Variants in CHD6 observed in about 807,000 individuals in gnomAD.
The protein encoded by CHD6 is ATP-dependent chromatin remodeler CHD6.
CHD6 carries 50 observed loss-of-function variants against 276.9 expected under a neutral mutation model. That is an observed-to-expected ratio of 0.18 (90% CI 0.14 to 0.23). The LOEUF (loss-of-function observed/expected upper bound fraction) is 0.23, where lower values mean the gene tolerates loss of function less well. Ranked by LOEUF, CHD6 falls within the 10% of genes least tolerant of loss-of-function variation. The probability of loss-of-function intolerance (pLI) is 1.00; values close to 1 mark genes in which losing one functional copy is unlikely to be tolerated. For synonymous variants in CHD6, 1,173 were observed against 1,229.3 expected (o/e 0.95, Z 0.96); for missense variants, 2,564 against 3,365.8 (o/e 0.76, Z 5.89).
At position 41,416,811 on chromosome 20, in the gene CHD6, A is replaced by G. The variant is rs2047014406; in HGVS notation, c.6280-17T>C. On this transcript the variant is annotated splice_polypyrimidine_tract_variant and intron_variant, in intron 32 of 36. Coordinates refer to ENST00000373233, the MANE Select transcript of CHD6 (RefSeq NM_032221.5). ...CACGCGGTCCTAGAAAAAAGGATAAAGCTCTGATGAATAAGGATCGAGTTA... is the reference window on the plus strand; with the variant it reads ...CACGCGGTCCTAGAAAAAAGGATAAGGCTCTGATGAATAAGGATCGAGTTA... The G allele has an allele frequency of 1.3e-6, 2 of 1,506,002 alleles. No homozygotes were observed. Among genetic ancestry groups the G allele is most frequent in the African/African-American group, 1.4e-5 (1 of 71,554 alleles). 93.3% of individuals were successfully genotyped at this position (1,506,002 alleles called of 1,614,324 possible).
At chr20:41,565,889 G>T (rs2045350283) in intron 1 of CHD6, among the ~76,000 whole-genome samples, 1 of 152,174 alleles carries the variant, frequency 6.6e-6, no homozygotes. Context: ...TCATTCTATG[G>T]AAAGTGGGAG....
intron 27 of CHD6, among the ~76,000 whole-genome samples, chr20:41,427,716 C>G (rs1367000922): frequency 2.0e-5 from 3 of 152,200 alleles, no homozygotes; most frequent in Non-Finnish European, 2.9e-5. Flanking sequence ...CTCCTGTTAT[C>G]TAATGTTAAT....
In CHD6 at chr20:41,403,366, A is replaced by G. The variant is rs2046582766; in HGVS notation, c.*1227T>C. 2.8e-6 allele frequency: 3 copies of G among 1,062,242 alleles called. 1 individual carries two copies. The highest frequency in any genetic ancestry group is 1.1e-4 in the Admixed American group (2 of 18,598). The allele number at this position is 1,062,242 out of a possible 1,614,324, so 65.8% of individuals were successfully genotyped here. On this transcript the variant is annotated 3_prime_UTR_variant, in exon 37 of 37. Transcript: ENST00000373233. ...GACGTTAACATGAAGGTGAAAGGAC[A>G]TGGGGAAGTGCTGCTTAGGCAGTTT...
chr20:41,413,600 G>T, intron 34 of CHD6, 85 bp from the exon 35 acceptor site: 1 of 1,155,982 alleles, frequency 8.7e-7, no homozygotes, highest in Non-Finnish European at 1.2e-6. Flanking sequence ...GGTGTTATTT[G>T]AATCACTCCA....
At chr20:41,522,734 A>C (rs534908493) in intron 3 of CHD6, among the ~76,000 whole-genome samples, 1 of 152,238 alleles carries the variant, frequency 6.6e-6, no homozygotes, top group African/African-American at 2.4e-5. Context: ...TACACTTTAA[A>C]AAATAATTTA....
At chr20:41,441,032 G>GTAGC (rs1198114653) in intron 25 of CHD6, among the ~76,000 whole-genome samples, 2 of 152,214 alleles carry the variant, frequency 1.3e-5, no homozygotes, top group African/African-American at 4.8e-5. Context: ...GGAGCTGTGG[G>GTAGC]TAGCTGATCT....
chr20:41,566,887 A>T (rs2045361083), intron 1 of CHD6, among the ~76,000 whole-genome samples: 1 of 152,174 alleles, frequency 6.6e-6, no homozygotes, highest in African/African-American at 2.4e-5. Context: ...GGAATCTCAC[A>T]CAAATGGGGT....
chr20:41,580,645 C>CAAAAAAAA (rs373733112), intron 1 of CHD6, among the ~76,000 whole-genome samples: 51 of 68,998 alleles, frequency 7.4e-4, no homozygotes, highest in African/African-American at 2.0e-3. Flanking sequence ...AACCCAGTCT[C>CAAAAAAAA]AAAAAAAAAA....
rs185712325 is a variant in CHD6 at position 41,454,808 on chromosome 20, C to G, written c.3010-72G>C. 8.6e-4 allele frequency: 841 copies of G among 977,190 alleles called. 1 individual carries two copies. The African/African-American group carries it at 0.012, about 14-fold the overall frequency. The allele number at this position is 977,190 out of a possible 1,614,324, so 60.5% of individuals were successfully genotyped here. Reference sequence around the variant, plus strand: ...AACTAATAAAACACCAGTGTTACTTCAAGAGAAACCTAAGTATATTATCTA... The same window carrying G: ...AACTAATAAAACACCAGTGTTACTTGAAGAGAAACCTAAGTATATTATCTA... On this transcript the variant is annotated intron_variant, in intron 19 of 36. Transcript: ENST00000373233.
At chr20:41,445,625 A>G (rs776841559) in intron 25 of CHD6, 40 bp downstream of exon 25, 2 of 1,360,660 alleles carry the variant, frequency 1.5e-6, no homozygotes, top group Admixed American at 3.4e-5. Context: ...TTCCTGGGGG[A>G]AACTGATACA....
In CHD6 at chr20:41,593,212, G is replaced by A. The variant is rs1392590397; in HGVS notation, c.-24+25128C>T. ...TCAGCCCAATCAAAAAGGGGGGGGG[G>A]GGTTAAATAGTAAAAGAGGGATATG... On this transcript the variant is annotated intron_variant, in intron 1 of 36. Coordinates refer to ENST00000373233, the MANE Select transcript of CHD6 (RefSeq NM_032221.5). 2.7e-5 allele frequency among the ~76,000 whole-genome samples: 4 copies of A among 147,818 alleles called. No individual in the cohort carries two copies. The East Asian group carries it at 6.0e-4, about 22-fold the overall frequency.
intron 1 of CHD6, among the ~76,000 whole-genome samples, chr20:41,554,909 C>T (rs1334953131): frequency 6.6e-6 from 1 of 152,026 alleles, no homozygotes; most frequent in East Asian, 1.9e-4. Flanking sequence ...ACCTCCCAGA[C>T]GGGGTGGTGG....
intron 3 of CHD6, among the ~76,000 whole-genome samples, chr20:41,521,824 G>A (rs1285110447): frequency 6.6e-6 from 1 of 152,170 alleles, no homozygotes; most frequent in Non-Finnish European, 1.5e-5. Flanking sequence ...AAATAAACAT[G>A]GCATGTCAAA....
At chr20:41,512,696 A>T (rs1568660861) in intron 5 of CHD6, 150 bp downstream of exon 5, 20 of 853,250 alleles carry the variant, frequency 2.3e-5, no homozygotes, top group Non-Finnish European at 3.3e-5. Flanking sequence ...TCTGAATGTC[A>T]TTCCCAATGC....
At chr20:41,547,396 T>C in intron 2 of CHD6, 1 of 232,734 alleles carries the variant, frequency 4.3e-6, no homozygotes, top group Non-Finnish European at 8.6e-6. Flanking sequence ...CTGAATCGGA[T>C]TCATCTGACA....
chr20:41,443,941 G>C (rs749384804), intron 25 of CHD6, among the ~76,000 whole-genome samples: 1 of 152,166 alleles, frequency 6.6e-6, no homozygotes, highest in Non-Finnish European at 1.5e-5. Context: ...GTGTTGGGGT[G>C]GGGGAGGAAG....
At chr20:41,416,469 T>C in intron 33 of CHD6, 119 bp downstream of exon 33, 1 of 890,194 alleles carries the variant, frequency 1.1e-6, no homozygotes, top group East Asian at 2.5e-5. Context: ...CACTAATGGC[T>C]TGGCAAAAAA....
intron 1 of CHD6, among the ~76,000 whole-genome samples, chr20:41,599,493 A>C (rs1002617670): frequency 1.3e-5 from 2 of 152,138 alleles, no homozygotes; most frequent in African/African-American, 2.4e-5. Context: ...TTGCTGCACC[A>C]TACCTCGTAT....
intron 3 of CHD6, among the ~76,000 whole-genome samples, chr20:41,523,313 C>T (rs2044449310): frequency 6.6e-6 from 1 of 152,138 alleles, no homozygotes; most frequent in African/African-American, 2.4e-5. Flanking sequence ...AATCTTATTT[C>T]TATAATCCTC....
Sources: allele counts gnomAD v4.1 joint callset (sites outside exome capture counted in the v4.1 genomes callset), GRCh38; gene constraint gnomAD v4.1.1; transcripts MANE v1.5; gene names NCBI Gene and HGNC (gene_info 2026-07-23, HGNC 2026-07-21).